The following PCDH15 variants were observed in gnomAD, a reference collection of about 807,000 sequenced individuals.
The protein encoded by PCDH15 is protocadherin-15.
PCDH15 carries 129 observed loss-of-function variants against 178.5 expected under a neutral mutation model. That is an observed-to-expected ratio of 0.72 (90% confidence interval 0.63 to 0.84). The LOEUF (loss-of-function observed/expected upper bound fraction) is 0.84, where lower values mean the gene tolerates loss of function less well. PCDH15 is among the 40% of genes least tolerant of loss of function. The pLI is 0.00. For missense variants in PCDH15, 2,230 were observed against 2,099.9 expected (o/e 1.06, Z -1.21); for synonymous variants, 800 against 732.0 (o/e 1.09, Z -1.50).
At chr10:54,474,335 A>T (rs552143567) in intron 3 of PCDH15, among the ~76,000 whole-genome samples, 1 of 152,076 alleles carries the variant, frequency 6.6e-6, no homozygotes, top group African/African-American at 2.4e-5. Flanking sequence ...GGATCCAAAA[A>T]TATTAAGTGA....
At chr10:55,322,244 G>T (rs983148680), upstream of PCDH15, among the ~76,000 whole-genome samples, 2 of 152,082 alleles carry the variant, frequency 1.3e-5, no homozygotes, top group Non-Finnish European at 2.9e-5. Context: ...CTTTTCTTTT[G>T]CCTTACACCA....
chr10:54,035,607 C>T (rs1478807997), intron 18 of PCDH15, among the ~76,000 whole-genome samples: 1 of 151,870 alleles, frequency 6.6e-6, no homozygotes, highest in Non-Finnish European at 1.5e-5. Context: ...ACTGACCATT[C>T]CCCCATCTTT....
chr10:54,106,689 A>G (rs894466735), intron 15 of PCDH15, among the ~76,000 whole-genome samples: 5 of 152,166 alleles, frequency 3.3e-5, no homozygotes, highest in Non-Finnish European at 5.9e-5. Flanking sequence ...GTGTGGATCC[A>G]CACACATAAG....
intron 20 of PCDH15, among the ~76,000 whole-genome samples, chr10:54,019,368 T>C (rs1485238123): frequency 6.6e-6 from 1 of 152,104 alleles, no homozygotes; most frequent in Non-Finnish European, 1.5e-5. Flanking sequence ...AATTTCTCAA[T>C]ATGGGATTCA....
At position 53,805,441 on chromosome 10, in the gene PCDH15, A is replaced by G. The variant is rs911831494; in HGVS notation, c.*1138T>C. Reference sequence around the variant, plus strand: ...ATGATGAAACACTGTGCTTTGTTCAATGGTAAAAAATCAAGACCATGTTCT... The same window carrying G: ...ATGATGAAACACTGTGCTTTGTTCAGTGGTAAAAAATCAAGACCATGTTCT... On this transcript the variant is annotated 3_prime_UTR_variant, in exon 38 of 38. Transcript: ENST00000644397. The G allele has an allele frequency of 9.2e-5, 14 of 152,100 alleles. No homozygotes were observed. Among genetic ancestry groups the G allele is most frequent in the South Asian group, 2.1e-4 (1 of 4,836 alleles). The allele number at this position is 152,100 out of a possible 1,614,324, so 9.4% of individuals were successfully genotyped here.
At chr10:55,496,178 T>C (rs1229951344) in intron 2 of PCDH15, among the ~76,000 whole-genome samples, 1 of 151,838 alleles carries the variant, frequency 6.6e-6, no homozygotes, top group Admixed American at 6.6e-5. Flanking sequence ...ATATGAGTTA[T>C]ATCTCAATAA....
At chr10:54,126,696 T>C (rs1450839922) in intron 15 of PCDH15, among the ~76,000 whole-genome samples, 2 of 151,496 alleles carry the variant, frequency 1.3e-5, no homozygotes, top group Non-Finnish European at 2.9e-5. Context: ...TTAACATAAA[T>C]ATAATGGACA....
chr10:55,267,501 T>TA (rs898363615), intron 1 of PCDH15, among the ~76,000 whole-genome samples: 12 of 152,224 alleles, frequency 7.9e-5, no homozygotes, highest in Admixed American at 3.9e-4. Flanking sequence ...TTGTCCTTTT[T>TA]ATCAACTTTT....
intron 11 of PCDH15, among the ~76,000 whole-genome samples, chr10:54,190,553 C>G (rs1485941239): frequency 6.6e-6 from 1 of 152,110 alleles, no homozygotes. Context: ...CAAGCATGAA[C>G]CACCATGCCT....
chr10:54,164,749 C>A (rs1338072381), intron 13 of PCDH15, among the ~76,000 whole-genome samples: 2 of 152,056 alleles, frequency 1.3e-5, no homozygotes, highest in African/African-American at 4.8e-5. Flanking sequence ...AAGAAGATTC[C>A]TCAGAAATGT....
intron 8 of PCDH15, among the ~76,000 whole-genome samples, chr10:54,309,178 G>A (rs1000104451): frequency 6.6e-6 from 1 of 151,870 alleles, no homozygotes; most frequent in Non-Finnish European, 1.5e-5. Flanking sequence ...ACAATATGCT[G>A]GGACAAGAAT....
intron 15 of PCDH15, among the ~76,000 whole-genome samples, chr10:54,113,693 AT>A (rs1335532200): frequency 2.0e-5 from 3 of 149,670 alleles, no homozygotes; most frequent in Non-Finnish European, 4.4e-5. Flanking sequence ...AGCAATCATT[AT>A]TTGTAAAGAC....
upstream of PCDH15, among the ~76,000 whole-genome samples, chr10:54,805,463 A>G (rs1952764112): frequency 6.6e-6 from 1 of 152,158 alleles, no homozygotes; most frequent in African/African-American, 2.4e-5. Flanking sequence ...GGACTTGGCA[A>G]CTGGAGGGTC....
At chr10:54,428,688 C>A (rs1260313093) in intron 3 of PCDH15, among the ~76,000 whole-genome samples, 2 of 152,086 alleles carry the variant, frequency 1.3e-5, no homozygotes, top group Admixed American at 6.5e-5. Flanking sequence ...CCAAAAGCAG[C>A]AAGAGAACAA....
At chr10:55,266,572 C>T (rs1842301045) in intron 1 of PCDH15, among the ~76,000 whole-genome samples, 1 of 152,168 alleles carries the variant, frequency 6.6e-6, no homozygotes, top group Non-Finnish European at 1.5e-5. Context: ...TGGCTTGCCA[C>T]ACCCCATCCT....
At chr10:54,773,075 C>T in intron 1 of PCDH15, among the ~76,000 whole-genome samples, 1 of 149,846 alleles carries the variant, frequency 6.7e-6, no homozygotes, top group East Asian at 2.0e-4. Context: ...ACATGGGGAA[C>T]AACACATACT....
rs188492611 is a variant in PCDH15, at chr10:53,913,474, C to T, written c.3374-10104G>A. On this transcript the variant is annotated intron_variant, in intron 25 of 37. Transcript: ENST00000644397. ...TCTAGCCGGGCGCGGTGGCTCACAC[C>T]TGTAATCCCAGCACTTTGGGAGGCT... 2.2e-3 allele frequency among the ~76,000 whole-genome samples: 336 copies of T among 152,008 alleles called. 2 individuals carry two copies. The highest frequency in any genetic ancestry group is 7.4e-3 in the African/African-American group (307 of 41,456).
chr10:54,337,760 A>G (rs186151463), intron 6 of PCDH15, among the ~76,000 whole-genome samples: 4 of 152,308 alleles, frequency 2.6e-5, no homozygotes, highest in South Asian at 2.1e-4. Context: ...CAATCAGTGT[A>G]TAGAACAGTC....
chr10:54,479,350 G>A (rs2078527048), intron 3 of PCDH15, among the ~76,000 whole-genome samples: 2 of 151,902 alleles, frequency 1.3e-5, no homozygotes, highest in Admixed American at 1.3e-4. Flanking sequence ...TCCAGCAAAT[G>A]AATAGTATTT....
Sources: gnomAD v4.1 joint callset for allele counts (sites outside exome capture counted in the v4.1 genomes callset) on GRCh38, gnomAD v4.1.1 for gene constraint, MANE v1.5 for transcripts, NCBI Gene and HGNC (gene_info 2026-07-23, HGNC 2026-07-21) for gene names.